The following BAIAP2 variants were observed in gnomAD, a reference collection of about 807,000 sequenced individuals.
BAIAP2 encodes the protein BAR/IMD domain containing adaptor protein 2.
In BAIAP2, 18 loss-of-function variants were observed where a neutral mutation model predicts 63.0. The observed-to-expected ratio is 0.29, with a 90% CI of 0.20 to 0.42. The LOEUF (loss-of-function observed/expected upper bound fraction) is 0.42. BAIAP2 is among the 10% of genes least tolerant of loss of function. The pLI is 1.00. For missense variants in BAIAP2, 610 were observed against 734.3 expected, an observed-to-expected ratio of 0.83 and a Z score of 1.96; for synonymous variants, 386 against 307.6, an observed-to-expected ratio of 1.25 and a Z score of -2.67.
At chr17:81,053,019 G>A (rs945016617) in intron 1 of BAIAP2, among the ~76,000 whole-genome samples, 1 of 152,224 alleles carries the variant, frequency 6.6e-6, no homozygotes. Flanking sequence ...TGTTGTTTGT[G>A]TGTGCCTGTT....
At chr17:81,042,047 G>A (rs2047147240) in intron 1 of BAIAP2, among the ~76,000 whole-genome samples, 1 of 152,048 alleles carries the variant, frequency 6.6e-6, no homozygotes, top group African/African-American at 2.4e-5. Context: ...GGGTGCCAAT[G>A]CCAGAACACC....
chr17:81,105,032 A>C, intron 10 of BAIAP2: 8 of 252,176 alleles, frequency 3.2e-5, no homozygotes, highest in East Asian at 1.1e-4. Flanking sequence ...ATCTCCCCCA[A>C]TGGCAGGGGT....
chr17:81,035,813 C>A (rs930628573), intron 1 of BAIAP2, among the ~76,000 whole-genome samples: 2 of 152,150 alleles, frequency 1.3e-5, no homozygotes, highest in Non-Finnish European at 2.9e-5. Context: ...CCTCCAGGCG[C>A]GGTTGCGCGA....
rs58295830 is a variant in BAIAP2 at position 81,103,301 on chromosome 17, C to T, written c.643-201C>T. On this transcript the variant is annotated intron_variant, in intron 7 of 13. Transcript: ENST00000428708. ...GTCCCCCGACTGCATGGCTTGTGGT[C>T]CATCCCCGGCCCTTTACCGGCAGCC... 3.1e-3 allele frequency among the ~76,000 whole-genome samples: 477 copies of T among 152,348 alleles called. 3 individuals carry two copies. The highest frequency in any genetic ancestry group is 0.011 in the African/African-American group (451 of 41,578).
chr17:81,101,876 C>T (rs1321889164), intron 7 of BAIAP2, among the ~76,000 whole-genome samples: 2 of 152,166 alleles, frequency 1.3e-5, no homozygotes, highest in Non-Finnish European at 2.9e-5. Flanking sequence ...AGGCAGGGAG[C>T]GCTGTGGAGC....
At chr17:81,061,404 G>A (rs917868095) in intron 3 of BAIAP2, among the ~76,000 whole-genome samples, 1 of 151,914 alleles carries the variant, frequency 6.6e-6, no homozygotes, top group Non-Finnish European at 1.5e-5. Context: ...TGGTGAACTT[G>A]TCCGTCTCTC....
At chr17:81,093,852 G>A (rs2057210339) in intron 6 of BAIAP2, among the ~76,000 whole-genome samples, 5 of 152,186 alleles carry the variant, frequency 3.3e-5, no homozygotes, top group Admixed American at 1.3e-4. Flanking sequence ...CCAGCGTGGA[G>A]TCTGGCGACG....
At chr17:81,036,714 A>AT in intron 1 of BAIAP2, 1 of 670,816 alleles carries the variant, frequency 1.5e-6, no homozygotes, top group South Asian at 1.9e-5. Context: ...TGGGAAAGGC[A>AT]CAGGCCCTGG....
At chr17:81,082,309 C>A (rs1446537256) in intron 3 of BAIAP2, among the ~76,000 whole-genome samples, 1 of 152,220 alleles carries the variant, frequency 6.6e-6, no homozygotes, top group African/African-American at 2.4e-5. Context: ...CACATATGTG[C>A]TCATGCCCGC....
chr17:81,096,762 G>T (rs1035331967), intron 6 of BAIAP2, among the ~76,000 whole-genome samples: 1 of 152,244 alleles, frequency 6.6e-6, no homozygotes, highest in Non-Finnish European at 1.5e-5. Context: ...CGGCCATCAT[G>T]CCCTCCCCAG....
chr17:81,115,495 G>GCCCAC (rs1015268902), intron 13 of BAIAP2, among the ~76,000 whole-genome samples: 2 of 118,968 alleles, frequency 1.7e-5, no homozygotes, highest in African/African-American at 8.5e-5. Flanking sequence ...GCCCTGCCCT[G>GCCCAC]CCCAGCCCAC....
intron 3 of BAIAP2, among the ~76,000 whole-genome samples, chr17:81,072,136 C>G (rs1000464272): frequency 6.6e-6 from 1 of 152,234 alleles, no homozygotes; most frequent in Non-Finnish European, 1.5e-5. Context: ...TGGCTCCAGC[C>G]CTCAGAAGCT....
chr17:81,110,666 C>A (rs967863897), intron 13 of BAIAP2: 1 of 901,464 alleles, frequency 1.1e-6, no homozygotes, highest in Non-Finnish European at 1.3e-6. Flanking sequence ...GTGACAGTCG[C>A]TCACTCTGCC....
At chr17:81,106,530 C>T (rs1598815343) in intron 11 of BAIAP2, among the ~76,000 whole-genome samples, 2 of 152,338 alleles carry the variant, frequency 1.3e-5, no homozygotes, top group East Asian at 1.9e-4. Flanking sequence ...CCCAGCCCCT[C>T]TGGAGTCCTC....
rs914717520 is a variant in BAIAP2, at chr17:81,106,065, G to T, written c.1269-13G>T. ...GGGCTGAGCGTGGCTCTTACCTGGG[G>T]CCTCTCTTCCAGGCGGGGCTGGTTT... is the stretch of plus-strand genomic sequence containing the variant. On this transcript the variant is annotated splice_polypyrimidine_tract_variant and intron_variant, in intron 10 of 13. Transcript: ENST00000428708. The T allele has an allele frequency of 2.6e-6, 4 of 1,568,226 alleles. No individual in the cohort carries two copies. Among genetic ancestry groups the T allele is most frequent in the Non-Finnish European group, 3.5e-6 (4 of 1,156,406 alleles).
chr17:81,035,770 A>G (rs1469155708), intron 1 of BAIAP2, among the ~76,000 whole-genome samples: 1 of 152,048 alleles, frequency 6.6e-6, no homozygotes, highest in Non-Finnish European at 1.5e-5. Flanking sequence ...GGCTGTCTGA[A>G]GGCCGCGGTC....
At chr17:81,055,738 T>G (rs1026735201) in intron 2 of BAIAP2, among the ~76,000 whole-genome samples, 33 of 151,800 alleles carry the variant, frequency 2.2e-4, no homozygotes. Flanking sequence ...GCTAATTTTT[T>G]GTATTTTTAG....
chr17:81,064,876 C>T (rs1040613320), intron 3 of BAIAP2, among the ~76,000 whole-genome samples: 6 of 152,222 alleles, frequency 3.9e-5, no homozygotes, highest in Admixed American at 1.3e-4. Context: ...ATATGGCAAG[C>T]GCTTAGTCAG....
intron 11 of BAIAP2, 138 bp from the exon 12 acceptor site, chr17:81,106,607 C>A: frequency 1.0e-6 from 1 of 992,774 alleles, no homozygotes. Context: ...GTCCCCAGGG[C>A]TGCCGCCTTG....
Sources: gnomAD v4.1 joint callset for allele counts (sites outside exome capture counted in the v4.1 genomes callset) on GRCh38, gnomAD v4.1.1 for gene constraint, MANE v1.5 for transcripts, NCBI Gene and HGNC (gene_info 2026-07-23, HGNC 2026-07-21) for gene names.